Variants in CEP68 observed in about 807,000 individuals in gnomAD.
CEP68 encodes the protein centrosomal protein 68.
A neutral mutation model predicts 55.3 loss-of-function variants in CEP68; 26 were observed. The ratio of observed to expected loss-of-function variants is 0.47; its 90% CI spans 0.34 to 0.65. The LOEUF is 0.65. Among genes scored for constraint, CEP68 ranks in the 30% least tolerant of loss-of-function variants. CEP68 has a pLI of 0.01. For synonymous variants in CEP68, 402 were observed against 383.2 expected, an observed-to-expected ratio of 1.05 and a Z score of -0.57; for missense variants, 957 against 946.7, an observed-to-expected ratio of 1.01 and a Z score of -0.14.
intron 4 of CEP68, among the ~76,000 whole-genome samples, chr2:65,075,494 T>C (rs1006722837): frequency 7.9e-5 from 12 of 152,228 alleles, no homozygotes; most frequent in Non-Finnish European, 1.6e-4. Flanking sequence ...ATTAAGATTT[T>C]GTTATTTTGA....
chr2:65,058,105 C>T (rs1191273071), intron 1 of CEP68, among the ~76,000 whole-genome samples: 1 of 152,066 alleles, frequency 6.6e-6, no homozygotes, highest in Non-Finnish European at 1.5e-5. Context: ...TAGCTGTTAG[C>T]AGTCGTTAGG....
chr2:65,071,983 A>G lies in CEP68; in HGVS notation c.887A>G (p.Asn296Ser). The G allele has an allele frequency of 6.2e-7, 1 of 1,612,878 alleles. No individual in the cohort carries two copies. The highest frequency in any genetic ancestry group is 8.5e-7 in the Non-Finnish European group (1 of 1,179,964). The change falls in exon 3 of 7, where the codon AAT becomes AGT. Residue 296 changes from asparagine (N) to serine (S), a missense_variant. Physicochemically the swap from Asn to Ser is conservative, Grantham distance 46 (BLOSUM62 1). Transcript: ENST00000377990. ...PDRHSPLWNP[N>S]KEYEDLLDYT... The stretch of plus-strand genomic sequence containing the variant: ...CGCCACTCCCCTCTCTGGAACCCAA[A>G]TAAAGAGTATGAAGATCTGCTTGAC...
intron 1 of CEP68, among the ~76,000 whole-genome samples, chr2:65,057,385 CCACT>C (rs1364608231): frequency 6.6e-6 from 1 of 152,200 alleles, no homozygotes; most frequent in Non-Finnish European, 1.5e-5. Context: ...CTAGAAGTCA[CCACT>C]TTTTACTTTG....
At chr2:65,081,524 G>A (rs1207995121) in intron 5 of CEP68, among the ~76,000 whole-genome samples, 1 of 152,174 alleles carries the variant, frequency 6.6e-6, no homozygotes, top group Non-Finnish European at 1.5e-5. Context: ...TGATAAAGGT[G>A]CAGGAAACTA....
intron 1 of CEP68, among the ~76,000 whole-genome samples, chr2:65,067,949 T>C (rs189359307): frequency 6.6e-6 from 1 of 152,220 alleles, no homozygotes; most frequent in African/African-American, 2.4e-5. Context: ...GTCCTCAGTG[T>C]GTGCAGTGCC....
chr2:65,081,402 TCTC>T (rs373695713), intron 5 of CEP68, among the ~76,000 whole-genome samples: 191 of 149,274 alleles, frequency 1.3e-3, no homozygotes, highest in African/African-American at 4.4e-3. Flanking sequence ...CTGTGTTCCT[TCTC>T]CTTCTACTCA....
At chr2:65,078,568 C>T (rs1377258752) in intron 5 of CEP68, among the ~76,000 whole-genome samples, 2 of 152,170 alleles carry the variant, frequency 1.3e-5, no homozygotes, top group East Asian at 3.8e-4. Flanking sequence ...GATGGAGTTT[C>T]GCTCTTGTTG....
chr2:65,082,534 A>G lies in CEP68; in HGVS notation c.2105-2A>G. 2 of 1,529,066 alleles carry G rather than the reference A, an allele frequency of 1.3e-6. No homozygotes were observed. The highest frequency in any genetic ancestry group is 8.8e-7 in the Non-Finnish European group (1 of 1,142,750). 94.7% of individuals were successfully genotyped at this position (1,529,066 alleles called of 1,614,324 possible). On this transcript the variant is annotated splice_acceptor_variant, in intron 5 of 6. Coordinates refer to ENST00000377990, the MANE Select transcript of CEP68 (RefSeq NM_015147.3). LOFTEE classifies it high-confidence loss of function. ...TTTAATTTCTTTGAACCTCATTGTT[A>G]GTTTTAGAGGATGTCCTTGGGAGGA...
rs1321687786 is a variant in CEP68 at position 65,084,410 on chromosome 2, A to G, written c.*776A>G. The G allele has an allele frequency of 1.3e-5, 2 of 152,158 alleles. No individual in the cohort carries two copies. The highest frequency in any genetic ancestry group is 3.9e-4 in the East Asian group (2 of 5,188). The allele number at this position is 152,158 out of a possible 1,614,324, so 9.4% of individuals were successfully genotyped here. ...TCCCTTGGAAGAGCAGTCCAGGCTC[A>G]GGGAAGGGAACGGATAGGATGACAC... On this transcript the variant is annotated 3_prime_UTR_variant, in exon 7 of 7. Coordinates refer to ENST00000377990, the MANE Select transcript of CEP68 (RefSeq NM_015147.3).
At chr2:65,075,280 A>AT (rs1676709484) in intron 4 of CEP68, 1 of 151,766 alleles carries the variant, frequency 6.6e-6, no homozygotes, top group African/African-American at 2.4e-5. Flanking sequence ...AACATAAAAA[A>AT]TTAGCTGAGT....
At chr2:65,079,063 TAA>T (rs1676892347) in intron 5 of CEP68, among the ~76,000 whole-genome samples, 1 of 152,226 alleles carries the variant, frequency 6.6e-6, no homozygotes, top group South Asian at 2.1e-4. Context: ...TGCAAGACTG[TAA>T]ATCAAGTGCT....
intron 4 of CEP68, chr2:65,075,272 CAT>C (rs1330134066): frequency 1.6e-4 from 22 of 140,198 alleles, no homozygotes; most frequent in Middle Eastern, 7.8e-3. Flanking sequence ...AAAAAAAAAA[CAT>C]AAAAAATTAG....
intron 2 of CEP68, among the ~76,000 whole-genome samples, chr2:65,070,482 T>G (rs903992096): frequency 3.3e-5 from 5 of 151,810 alleles, no homozygotes; most frequent in Non-Finnish European, 7.4e-5. Context: ...AGGCCTTTCC[T>G]GGGAATGGCT....
rs141199128 is a variant in CEP68, at chr2:65,071,590, A to T, written c.494A>T (p.Asp165Val). 1 of 1,614,060 alleles carries T rather than the reference A, an allele frequency of 6.2e-7. No homozygotes were observed. The highest frequency in any genetic ancestry group is 2.2e-5 in the East Asian group (1 of 44,864). ...PSLADLPQAL[D>V]LSQQPHSSGL... ...CTAGCAGATTTGCCCCAGGCACTGGACCTCAGCCAGCAGCCTCACAGCTCA... is the reference window on the plus strand; with the variant it reads ...CTAGCAGATTTGCCCCAGGCACTGGTCCTCAGCCAGCAGCCTCACAGCTCA... Residue 165 changes from aspartate (D) to valine (V), a missense_variant, in exon 3 of 7, where the codon GAC becomes GTC. Asp to Val is a radical substitution (Grantham distance 152). Transcript: ENST00000377990.
chr2:65,072,261 A>G lies in CEP68; in HGVS notation c.1165A>G (p.Met389Val). 2 of 1,614,106 alleles carry G rather than the reference A, an allele frequency of 1.2e-6. No homozygotes were observed. The highest frequency in any genetic ancestry group is 1.7e-6 in the Non-Finnish European group (2 of 1,180,002). ...CAGAGTACCCCAGAAACAGGGTGGC[A>G]TGGGCTTGGCATCTTGGAGCCAACT... ...PSRVPQKQGG[M>V]GLASWSQLAS... Residue 389 changes from methionine (M) to valine (V), a missense_variant, in exon 3 of 7, where the codon ATG becomes GTG. Physicochemically the swap from Met to Val is conservative, Grantham distance 21. Transcript: ENST00000377990.
At chr2:65,077,027 C>CTG (rs1195717154) in intron 4 of CEP68, among the ~76,000 whole-genome samples, 4 of 116,476 alleles carry the variant, frequency 3.4e-5, no homozygotes, top group Non-Finnish European at 5.0e-5. Context: ...GACGGAGCCT[C>CTG]TCTTACTGCC....
At position 65,072,585 on chromosome 2, in the gene CEP68, T is replaced by A; in HGVS notation, c.1489T>A (p.Ser497Thr). The part of the protein sequence containing the change: ...ARLTQVSSLV[S>T]YLGSISTLVT... ...GCTGACACAGGTTTCTAGCCTGGTT[T>A]CGTATCTAGGATCCATTTCTACCTT... Residue 497 changes from serine to threonine, a missense_variant, in exon 3 of 7, where the codon TCG (serine) becomes ACG (threonine). Coordinates refer to ENST00000377990, the MANE Select transcript of CEP68 (RefSeq NM_015147.3). 6.2e-7 allele frequency: 1 copy of A among 1,614,032 alleles called. No homozygotes were observed. The highest frequency in any genetic ancestry group is 2.2e-5 in the East Asian group (1 of 44,878).
rs1461094860 is a variant in CEP68, at chr2:65,086,753, C to G, written c.*3119C>G. ...CTGTATTAAGGCAAAAACAAAACTT[C>G]TGAAGCATTAAAGATCTTCACCAAA... On this transcript the variant is annotated 3_prime_UTR_variant, in exon 7 of 7. Transcript: ENST00000377990. The G allele has an allele frequency of 1.3e-5, 2 of 152,608 alleles. No individual in the cohort carries two copies. Among genetic ancestry groups the G allele is most frequent in the African/African-American group, 4.8e-5 (2 of 41,454 alleles). The allele number at this position is 152,608 out of a possible 1,614,324, so 9.5% of individuals were successfully genotyped here.
At chr2:65,058,106 A>T (rs560388222) in intron 1 of CEP68, among the ~76,000 whole-genome samples, 1 of 152,362 alleles carries the variant, frequency 6.6e-6, no homozygotes, top group East Asian at 1.9e-4. Context: ...AGCTGTTAGC[A>T]GTCGTTAGGA....
Sources: allele counts gnomAD v4.1 joint callset (sites outside exome capture counted in the v4.1 genomes callset), GRCh38; gene constraint gnomAD v4.1.1; transcripts MANE v1.5; gene names NCBI Gene and HGNC (gene_info 2026-07-23, HGNC 2026-07-21).